The following MAN2A1 variants were observed in gnomAD, a reference collection of about 807,000 sequenced individuals.
MAN2A1 encodes the protein alpha-mannosidase 2.
In MAN2A1, 76 loss-of-function variants were observed where a neutral mutation model predicts 142.6. The observed-to-expected ratio is 0.53, with a 90% CI of 0.44 to 0.65. The LOEUF (loss-of-function observed/expected upper bound fraction) is 0.65. MAN2A1 is among the 30% of genes least tolerant of loss of function. MAN2A1 has a pLI of 0.00. For synonymous variants in MAN2A1, 559 were observed against 473.2 expected (o/e 1.18, Z -2.35); for missense variants, 1,311 against 1,365.1 (o/e 0.96, Z 0.62).
At chr5:109,846,356 C>T (rs1018758532) in intron 18 of MAN2A1, among the ~76,000 whole-genome samples, 1 of 152,106 alleles carries the variant, frequency 6.6e-6, no homozygotes, top group African/African-American at 2.4e-5. Context: ...GATAAGTTGC[C>T]TACGTTTGCA....
intron 1 of MAN2A1, among the ~76,000 whole-genome samples, chr5:109,696,058 G>GT (rs1475623820): frequency 6.6e-6 from 1 of 151,282 alleles, no homozygotes; most frequent in African/African-American, 2.4e-5. Context: ...CCTGTTTAAG[G>GT]TAATTATATT....
intron 12 of MAN2A1, among the ~76,000 whole-genome samples, chr5:109,799,555 G>A (rs2112694061): frequency 6.6e-6 from 1 of 152,226 alleles, no homozygotes; most frequent in Non-Finnish European, 1.5e-5. Flanking sequence ...AGGAGTTTGA[G>A]ACCAGCCTGA....
intron 19 of MAN2A1, among the ~76,000 whole-genome samples, chr5:109,851,661 G>A (rs1755485383): frequency 6.6e-6 from 1 of 152,100 alleles, no homozygotes; most frequent in Non-Finnish European, 1.5e-5. Context: ...GTGGTATTCT[G>A]TTATGGCAGC....
chr5:109,756,113 A>G (rs17638690), intron 5 of MAN2A1, among the ~76,000 whole-genome samples: 26,668 of 151,966 alleles, frequency 0.18, 3,301 homozygotes, highest in East Asian at 0.64. Context: ...TTTGGTGGAA[A>G]TGGTCTTGGG....
intron 1 of MAN2A1, among the ~76,000 whole-genome samples, chr5:109,698,077 T>C (rs1750865322): frequency 6.6e-6 from 1 of 152,228 alleles, no homozygotes; most frequent in South Asian, 2.1e-4. Flanking sequence ...GCTTCAAGAC[T>C]GAAAACCATG....
intron 13 of MAN2A1, among the ~76,000 whole-genome samples, chr5:109,818,134 TTTATTA>T (rs913081479): frequency 6.6e-6 from 1 of 151,766 alleles, no homozygotes; most frequent in Non-Finnish European, 1.5e-5. Flanking sequence ...GCTAGCTACT[TTTATTA>T]TTATTATTAT....
intron 7 of MAN2A1, among the ~76,000 whole-genome samples, chr5:109,770,774 TA>T (rs1753125368): frequency 6.6e-6 from 1 of 152,148 alleles, no homozygotes; most frequent in Non-Finnish European, 1.5e-5. Flanking sequence ...ATGGATAACC[TA>T]TAATACACTA....
At position 109,770,465 on chromosome 5, in the gene MAN2A1, C is replaced by T. The variant is rs1370879088; in HGVS notation, c.1120C>T (p.Arg374Cys). The part of the protein sequence containing the change: ...PKICCQFDFK[R>C]LPGGRFGCPW... The stretch of plus-strand genomic sequence containing the variant: ...AATATGCTGCCAGTTTGATTTTAAA[C>T]GTCTTCCTGGAGGCAGATTTGGTTG... Residue 374 changes from arginine to cysteine, a missense_variant, in exon 7 of 22, where the codon CGT becomes TGT. This residue lies in a region of MAN2A1 where 890 missense variants were observed against 920.5 expected (regional missense o/e 0.97). Transcript: ENST00000261483. 5.6e-6 allele frequency: 9 copies of T among 1,613,836 alleles called. No individual in the cohort carries two copies. The highest frequency in any genetic ancestry group is 4.0e-5 in the African/African-American group (3 of 74,884).
intron 19 of MAN2A1, among the ~76,000 whole-genome samples, chr5:109,851,547 C>T (rs1227735962): frequency 6.6e-6 from 1 of 152,154 alleles, no homozygotes; most frequent in South Asian, 2.1e-4. Flanking sequence ...TGTGATAATG[C>T]AGCAAGAAGG....
At chr5:109,834,844 G>T (rs1370623357) in intron 16 of MAN2A1, among the ~76,000 whole-genome samples, 1 of 152,092 alleles carries the variant, frequency 6.6e-6, no homozygotes, top group Non-Finnish European at 1.5e-5. Context: ...CCAGAAATCG[G>T]CAGTGACTCA....
At chr5:109,817,592 A>G (rs1754500672) in intron 13 of MAN2A1, among the ~76,000 whole-genome samples, 154 bp downstream of exon 13, 1 of 152,212 alleles carries the variant, frequency 6.6e-6, no homozygotes, top group African/African-American at 2.4e-5. Flanking sequence ...TGGTGGGTCA[A>G]ATGACACTAA....
chr5:109,732,885 T>C (rs986936234), intron 4 of MAN2A1, among the ~76,000 whole-genome samples: 3 of 152,160 alleles, frequency 2.0e-5, no homozygotes, highest in African/African-American at 4.8e-5. Flanking sequence ...AGTAGTTTTT[T>C]CCAATTCTGT....
chr5:109,773,618 G>A (rs900615601), intron 7 of MAN2A1, among the ~76,000 whole-genome samples: 2 of 151,928 alleles, frequency 1.3e-5, no homozygotes, highest in Non-Finnish European at 2.9e-5. Flanking sequence ...AGCATTATAT[G>A]TTACATAAGG....
chr5:109,750,359 T>G (rs1752512204), intron 4 of MAN2A1, among the ~76,000 whole-genome samples: 1 of 152,030 alleles, frequency 6.6e-6, no homozygotes, highest in Non-Finnish European at 1.5e-5. Flanking sequence ...CTTGTAAGAA[T>G]CTTCTGGTTT....
chr5:109,726,903 A>T (rs1751760078), intron 3 of MAN2A1, among the ~76,000 whole-genome samples: 1 of 152,198 alleles, frequency 6.6e-6, no homozygotes, highest in Non-Finnish European at 1.5e-5. Flanking sequence ...TAGGTAAAAG[A>T]TATCATGTGA....
intron 8 of MAN2A1, among the ~76,000 whole-genome samples, chr5:109,779,891 AATC>A (rs1434118127): frequency 6.6e-6 from 1 of 152,308 alleles, no homozygotes; most frequent in Admixed American, 6.5e-5. Context: ...ATTTAGAAAT[AATC>A]ATCTATTTTG....
rs188505778 is a variant in MAN2A1 at position 109,809,272 on chromosome 5, A to G, written c.1944-8001A>G. Among the ~76,000 whole-genome samples the G allele has an allele frequency of 4.3e-4, 65 of 152,224 alleles. 1 individual carries two copies. In the Middle Eastern group the frequency reaches 0.01, roughly 24 times the overall value. On this transcript the variant is annotated intron_variant, in intron 12 of 21. Transcript: ENST00000261483. ...CATAGAAAAGCATAGATGACTTATT[A>G]TAGTTTAATTGAAATTATTACTTTT...
Position 109,781,507 on chromosome 5 carries a change from T to G in MAN2A1, c.1486T>G (p.Tyr496Asp). Reference protein sequence around the residue: ...FPVLSGDFFTYADRDDHYWSG... With the variant: ...FPVLSGDFFTDADRDDHYWSG... ...TGTTTTAAGTGGAGATTTTTTCACT[T>G]ATGCCGATCGAGATGATCATTACTG... The change falls in exon 9 of 22, where the codon TAT becomes GAT. Residue 496 changes from tyrosine (Y) to aspartate (D), a missense_variant. Tyr to Asp is a radical substitution (Grantham distance 160). Around this residue, in one of 3 missense-constraint regions of MAN2A1, gnomAD observed 890 missense variants for 920.5 expected, o/e 0.97. Coordinates refer to ENST00000261483, the MANE Select transcript of MAN2A1 (RefSeq NM_002372.4). The G allele has an allele frequency of 6.2e-7, 1 of 1,613,446 alleles. No homozygotes were observed. Among genetic ancestry groups the G allele is most frequent in the Non-Finnish European group, 8.5e-7 (1 of 1,179,738 alleles).
At chr5:109,719,546 T>C (rs1373963738) in intron 3 of MAN2A1, among the ~76,000 whole-genome samples, 1 of 152,172 alleles carries the variant, frequency 6.6e-6, no homozygotes, top group Non-Finnish European at 1.5e-5. Context: ...TAAATGAATG[T>C]GCAATTAGGC....
Sources: gnomAD v4.1 joint callset for allele counts (sites outside exome capture counted in the v4.1 genomes callset) on GRCh38, gnomAD v4.1.1 for gene constraint, gnomAD v4.1.1 regional missense constraint, MANE v1.5 for transcripts, NCBI Gene and HGNC (gene_info 2026-07-23, HGNC 2026-07-21) for gene names.